Variants in SPIN1 observed in about 807,000 individuals in gnomAD.
SPIN1 encodes the protein spindlin 1.
SPIN1 carries 3 observed loss-of-function variants against 26.0 expected under a neutral mutation model. The observed-to-expected ratio is 0.12, with a 90% CI of 0.05 to 0.30. SPIN1 has a LOEUF of 0.30. Ranked by LOEUF, SPIN1 falls within the 10% of genes least tolerant of loss-of-function variation. SPIN1 has a pLI of 1.00. For missense variants in SPIN1, 126 were observed against 333.4 expected (o/e 0.38, Z 4.84); for synonymous variants, 101 against 116.5 (o/e 0.87, Z 0.86).
At chr9:88,446,475 C>T (rs573538166) in intron 2 of SPIN1, among the ~76,000 whole-genome samples, 173 of 149,490 alleles carry the variant, frequency 1.2e-3, no homozygotes, top group African/African-American at 2.4e-3. Context: ...AACACAATCT[C>T]GGCTTACTGC....
chr9:88,460,756 A>G (rs567071538), intron 3 of SPIN1, among the ~76,000 whole-genome samples: 38 of 152,222 alleles, frequency 2.5e-4, no homozygotes, highest in Non-Finnish European at 4.4e-4. Flanking sequence ...AGAATGGATT[A>G]TGGCCACCCA....
At chr9:88,389,039 C>T (rs1413991825) in intron 1 of SPIN1, among the ~76,000 whole-genome samples, 3 of 151,858 alleles carry the variant, frequency 2.0e-5, no homozygotes, top group Middle Eastern at 3.4e-3. Flanking sequence ...CCCGGCGCGA[C>T]GGGTCGGGTC....
intron 3 of SPIN1, among the ~76,000 whole-genome samples, chr9:88,458,837 TC>T (rs1383057922): frequency 2.0e-5 from 3 of 152,120 alleles, no homozygotes; most frequent in African/African-American, 7.2e-5. Context: ...GAGGCAGAAT[TC>T]CTTCCTCCTC....
At chr9:88,407,348 T>C (rs1317473148) in intron 1 of SPIN1, among the ~76,000 whole-genome samples, 2 of 151,944 alleles carry the variant, frequency 1.3e-5, no homozygotes, top group Non-Finnish European at 2.9e-5. Flanking sequence ...TTTTGCCATA[T>C]TGCCCAGGCT....
intron 1 of SPIN1, among the ~76,000 whole-genome samples, chr9:88,401,768 AAG>A: frequency 6.6e-6 from 1 of 152,346 alleles, no homozygotes; most frequent in East Asian, 1.9e-4. Flanking sequence ...AACATTTAAT[AAG>A]AGAAGCAAGT....
At chr9:88,420,946 A>G (rs898462749) in intron 1 of SPIN1, among the ~76,000 whole-genome samples, 27 of 152,202 alleles carry the variant, frequency 1.8e-4, no homozygotes, top group African/African-American at 6.0e-4. Flanking sequence ...CTGTACACGT[A>G]GCCTCTGCTC....
Position 88,433,224 on chromosome 9 carries a change from C to T in SPIN1, c.52+6633C>T, listed in dbSNP as rs988567505. Among the ~76,000 whole-genome samples the T allele has an allele frequency of 5.3e-4, 81 of 152,138 alleles. 1 individual carries two copies. Among genetic ancestry groups the T allele is most frequent in the African/African-American group, 1.9e-3 (77 of 41,524 alleles). On this transcript the variant is annotated intron_variant, in intron 2 of 5. Transcript: ENST00000375859. ...CCTCCTGAGTAGCTGGGACTACAGG[C>T]GTGAGTGCCACCACGCCCTGCTAAT...
At chr9:88,422,682 T>C (rs761500159) in intron 1 of SPIN1, among the ~76,000 whole-genome samples, 1 of 152,020 alleles carries the variant, frequency 6.6e-6, no homozygotes, top group Non-Finnish European at 1.5e-5. Flanking sequence ...TTTTTTAGAT[T>C]ACATCTCAAC....
At chr9:88,423,319 CA>C (rs1827706078) in intron 1 of SPIN1, among the ~76,000 whole-genome samples, 1 of 152,068 alleles carries the variant, frequency 6.6e-6, no homozygotes, top group African/African-American at 2.4e-5. Flanking sequence ...TGCAGTGGCT[CA>C]GGCAGAATTT....
Position 88,474,536 on chromosome 9 carries a change from AG to A in SPIN1, c.590-537del, listed in dbSNP as rs1314944150. 3.3e-5 allele frequency among the ~76,000 whole-genome samples: 5 copies of A among 152,300 alleles called. No individual in the cohort carries two copies. The South Asian group carries it at 8.3e-4, about 25-fold the overall frequency. On this transcript the variant is annotated intron_variant, in intron 5 of 5. Coordinates refer to ENST00000375859, the MANE Select transcript of SPIN1 (RefSeq NM_006717.3). The stretch of plus-strand genomic sequence containing the variant: ...GATGATGTGAAATGCAGTGAAGTTG[AG>A]GGGGAAGAAGCTTTAAGGATTCACA...
chr9:88,401,205 A>T (rs1827177998), intron 1 of SPIN1, among the ~76,000 whole-genome samples: 1 of 152,244 alleles, frequency 6.6e-6, no homozygotes, highest in South Asian at 2.1e-4. Flanking sequence ...TGGACAGTAT[A>T]CAAATACGTT....
At chr9:88,396,682 A>G (rs1273621830) in intron 1 of SPIN1, among the ~76,000 whole-genome samples, 1 of 152,132 alleles carries the variant, frequency 6.6e-6, no homozygotes, top group Non-Finnish European at 1.5e-5. Flanking sequence ...AAGGGTACAC[A>G]TATAGTTGGT....
At chr9:88,420,547 T>C (rs1334384864) in intron 1 of SPIN1, among the ~76,000 whole-genome samples, 2 of 152,252 alleles carry the variant, frequency 1.3e-5, no homozygotes, top group Admixed American at 1.3e-4. Flanking sequence ...ATTGCCACAT[T>C]TTCCATACAA....
intron 2 of SPIN1, among the ~76,000 whole-genome samples, chr9:88,436,865 C>T (rs1044826163): frequency 4.8e-5 from 7 of 146,930 alleles, no homozygotes; most frequent in Middle Eastern, 3.6e-3. Flanking sequence ...CCCGGGTTCA[C>T]GCCATTCTCC....
At chr9:88,438,184 T>G (rs923333170) in intron 2 of SPIN1, among the ~76,000 whole-genome samples, 2 of 152,124 alleles carry the variant, frequency 1.3e-5, no homozygotes, top group African/African-American at 4.8e-5. Flanking sequence ...TTGCTATAAA[T>G]TAATTCATTA....
intron 1 of SPIN1, among the ~76,000 whole-genome samples, chr9:88,421,925 C>T (rs748230431): frequency 1.3e-4 from 19 of 151,564 alleles, no homozygotes; most frequent in South Asian, 2.1e-4. Flanking sequence ...ACATTTTTGA[C>T]GAGTATTTTA....
At chr9:88,433,285 G>A (rs141558697) in intron 2 of SPIN1, among the ~76,000 whole-genome samples, 2,947 of 152,192 alleles carry the variant, frequency 0.019, 54 homozygotes, top group Middle Eastern at 0.071. Flanking sequence ...GTTTCGCCAT[G>A]TTGCCCAGGC....
At chr9:88,442,539 G>C (rs1476157577) in intron 2 of SPIN1, among the ~76,000 whole-genome samples, 1 of 151,662 alleles carries the variant, frequency 6.6e-6, no homozygotes, top group Non-Finnish European at 1.5e-5. Context: ...GAGTAGCTGG[G>C]ATTACTGGTT....
rs1828307157 is a variant in SPIN1, at chr9:88,448,960, C to G, written c.72C>G (p.Ala24=). Residue 24 remains alanine, a synonymous_variant, in exon 3 of 6, where the codon GCC becomes GCG. Coordinates refer to ENST00000375859, the MANE Select transcript of SPIN1 (RefSeq NM_006717.3). ...TTACAGGCCATGCTGGAGTATCTGCCAACATGATGAAGAAGAGGACATCCC... is the reference window on the plus strand; with the variant it reads ...TTACAGGCCATGCTGGAGTATCTGCGAACATGATGAAGAAGAGGACATCCC... ...RADAGHAGVS[A]NMMKKRTSHK... 1 of 1,612,528 alleles carries G rather than the reference C, an allele frequency of 6.2e-7. No homozygotes were observed. The highest frequency in any genetic ancestry group is 1.3e-5 in the African/African-American group (1 of 74,422).
Sources: gnomAD v4.1 joint callset for allele counts (sites outside exome capture counted in the v4.1 genomes callset) on GRCh38, gnomAD v4.1.1 for gene constraint, MANE v1.5 for transcripts, NCBI Gene and HGNC (gene_info 2026-07-23, HGNC 2026-07-21) for gene names.